The following SAMD5 variants were observed in gnomAD, a reference collection of about 807,000 sequenced individuals.
SAMD5 encodes sterile alpha motif domain containing 5.
Under a neutral mutation model 11.3 loss-of-function variants are expected in SAMD5, and 13 were observed. The observed-to-expected ratio is 1.15, with a 90% CI of 0.75 to 1.83. SAMD5 has a LOEUF of 1.83. Among genes scored for constraint, SAMD5 ranks in the 40% most tolerant of loss-of-function variants. The pLI is 0.00. For synonymous variants in SAMD5, 129 were observed against 111.3 expected (o/e 1.16, Z -1.00); for missense variants, 255 against 239.1 (o/e 1.07, Z -0.44).
chr6:147,570,638 A>G (rs1789122741), downstream of SAMD5, among the ~76,000 whole-genome samples: 1 of 134,338 alleles, frequency 7.4e-6, no homozygotes, highest in Non-Finnish European at 1.5e-5. Flanking sequence ...ATGTGTAATG[A>G]TTTGATTTTT....
intron 1 of SAMD5, among the ~76,000 whole-genome samples, chr6:147,511,427 C>T (rs1352728045): frequency 6.6e-6 from 1 of 152,166 alleles, no homozygotes; most frequent in Non-Finnish European, 1.5e-5. Context: ...AGTTGCACTG[C>T]AATACTATTT....
chr6:147,828,322 C>CA, the SAMD5 span, among the ~76,000 whole-genome samples: 7 of 151,450 alleles, frequency 4.6e-5, no homozygotes, highest in East Asian at 1.9e-4. Context: ...CCTGCCCTTG[C>CA]AAAAAAAAGG....
the SAMD5 span, among the ~76,000 whole-genome samples, chr6:147,899,189 A>AAAAAAAAAAAAAAAAAAAAAG: frequency 7.3e-5 from 9 of 123,458 alleles, 1 homozygote; most frequent in African/African-American, 1.1e-4. Flanking sequence ...AAAAAAAAAA[A>AAAAAAAAAAAAAAAAAAAAAG]AAAAGATAAC....
chr6:147,758,894 G>A, the SAMD5 span, among the ~76,000 whole-genome samples: 6 of 152,050 alleles, frequency 3.9e-5, no homozygotes, highest in Middle Eastern at 3.2e-3. Flanking sequence ...CTAAAAGAAG[G>A]TCATCTTAAT....
chr6:147,627,587 C>T (rs1038745004), intron 1 of SAMD5, among the ~76,000 whole-genome samples: 5 of 152,248 alleles, frequency 3.3e-5, no homozygotes, highest in Non-Finnish European at 5.9e-5. Context: ...ACACACTGCC[C>T]GGTGTGAATA....
At chr6:147,727,955 T>C (rs1214577817) in intron 1 of SAMD5, among the ~76,000 whole-genome samples, 3 of 152,240 alleles carry the variant, frequency 2.0e-5, no homozygotes, top group Non-Finnish European at 4.4e-5. Context: ...CTCTTACCTT[T>C]TCTGTACAGA....
At chr6:147,767,562 G>C in the SAMD5 span, among the ~76,000 whole-genome samples, 1 of 149,468 alleles carries the variant, frequency 6.7e-6, no homozygotes, top group African/African-American at 2.5e-5. Context: ...TGTCGGGGTG[G>C]GGATCTTATG....
the SAMD5 span, among the ~76,000 whole-genome samples, chr6:147,789,698 T>C: frequency 6.6e-6 from 1 of 152,190 alleles, no homozygotes; most frequent in Non-Finnish European, 1.5e-5. Context: ...CAGGACGCCA[T>C]ATTGTGTTTA....
intron 1 of SAMD5, among the ~76,000 whole-genome samples, chr6:147,517,426 C>T (rs149496874): frequency 1.3e-5 from 2 of 152,228 alleles, no homozygotes; most frequent in East Asian, 3.9e-4. Context: ...CAGCTTCCAT[C>T]GTAGTGGCCA....
chr6:147,913,529 C>G, the SAMD5 span, among the ~76,000 whole-genome samples: 1 of 152,070 alleles, frequency 6.6e-6, no homozygotes, highest in Non-Finnish European at 1.5e-5. Flanking sequence ...AACCCTGTCT[C>G]TACTAAAAGT....
At chr6:147,552,765 A>ATT (rs1788795034) in intron 1 of SAMD5, among the ~76,000 whole-genome samples, 1 of 152,214 alleles carries the variant, frequency 6.6e-6, no homozygotes, top group Admixed American at 6.5e-5. Flanking sequence ...AAAAACAATT[A>ATT]AAGAGGTCTT....
chr6:147,877,975 G>T, the SAMD5 span, among the ~76,000 whole-genome samples: 6 of 107,112 alleles, frequency 5.6e-5, no homozygotes, highest in Non-Finnish European at 1.2e-4. Context: ...GACATCAGTG[G>T]TAAGATCATT....
the SAMD5 span, among the ~76,000 whole-genome samples, chr6:147,821,565 G>A: frequency 1.1e-4 from 17 of 152,326 alleles, no homozygotes; most frequent in African/African-American, 3.4e-4. Flanking sequence ...GACATGCTGC[G>A]GGGTTCTGCC....
intron 1 of SAMD5, among the ~76,000 whole-genome samples, chr6:147,543,910 C>T (rs900219356): frequency 3.3e-5 from 5 of 151,972 alleles, no homozygotes; most frequent in African/African-American, 7.3e-5. Context: ...GGGAAAGGAA[C>T]GTTTAAGGGA....
intron 1 of SAMD5, among the ~76,000 whole-genome samples, chr6:147,583,053 CTT>C (rs1789321532): frequency 6.6e-6 from 1 of 152,160 alleles, no homozygotes; most frequent in South Asian, 2.1e-4. Context: ...CATTAAAAGA[CTT>C]AAAGATTTCT....
At chr6:147,802,797 A>G in the SAMD5 span, among the ~76,000 whole-genome samples, 1 of 152,258 alleles carries the variant, frequency 6.6e-6, no homozygotes, top group African/African-American at 2.4e-5. Flanking sequence ...ACAAGCGTAT[A>G]GACCATAAGA....
chr6:147,560,528 C>T (rs879809077), intron 1 of SAMD5, among the ~76,000 whole-genome samples: 1 of 152,194 alleles, frequency 6.6e-6, no homozygotes, highest in Non-Finnish European at 1.5e-5. Context: ...ACTGGTTCTA[C>T]AGCTGCAATT....
chr6:147,685,767 T>C (rs1226926278), intron 1 of SAMD5, among the ~76,000 whole-genome samples: 3 of 152,210 alleles, frequency 2.0e-5, no homozygotes, highest in African/African-American at 4.8e-5. Flanking sequence ...TAGAACATCA[T>C]GTGGGTTTAT....
the SAMD5 span, among the ~76,000 whole-genome samples, chr6:147,884,604 T>C: frequency 4.6e-5 from 7 of 152,288 alleles, no homozygotes; most frequent in Admixed American, 4.6e-4. Context: ...AATTAATCAC[T>C]TTACAATAGA....
Sources: gnomAD v4.1 joint callset for allele counts (sites outside exome capture counted in the v4.1 genomes callset) on GRCh38, gnomAD v4.1.1 for gene constraint, MANE v1.5 for transcripts, NCBI Gene and HGNC (gene_info 2026-07-23, HGNC 2026-07-21) for gene names.